The following INO80 variants were observed in gnomAD, a reference collection of about 807,000 sequenced individuals.
INO80 encodes chromatin-remodeling ATPase INO80.
INO80 carries 20 observed loss-of-function variants against 203.4 expected under a neutral mutation model. The observed-to-expected ratio is 0.10, with a 90% CI of 0.07 to 0.14. The LOEUF is 0.14. INO80 is among the 10% of genes least tolerant of loss of function. The pLI is 1.00. For synonymous variants in INO80, 726 were observed against 685.2 expected (o/e 1.06, Z -0.93); for missense variants, 1,419 against 1,914.4 (o/e 0.74, Z 4.83).
intron 23 of INO80, among the ~76,000 whole-genome samples, chr15:41,046,641 C>T (rs1190886861): frequency 6.6e-6 from 1 of 151,546 alleles, no homozygotes; most frequent in East Asian, 1.9e-4. Flanking sequence ...GTTTTGAGAC[C>T]GAGTCTCATT....
At chr15:40,984,912 T>C (rs903290469) in intron 32 of INO80, among the ~76,000 whole-genome samples, 2 of 152,196 alleles carry the variant, frequency 1.3e-5, no homozygotes, top group African/African-American at 4.8e-5. Flanking sequence ...TGAACAGACA[T>C]TTAGAAATAA....
chr15:41,052,674 C>CAAAAAA, intron 19 of INO80, among the ~76,000 whole-genome samples: 1 of 107,224 alleles, frequency 9.3e-6, no homozygotes, highest in Non-Finnish European at 2.0e-5. Context: ...CCTTGTCTTA[C>CAAAAAA]AAAAAAAAAA....
intron 9 of INO80, among the ~76,000 whole-genome samples, chr15:41,078,188 G>A (rs2045433661): frequency 3.3e-5 from 5 of 152,082 alleles, no homozygotes; most frequent in Admixed American, 2.0e-4. Context: ...GTGAGCCACC[G>A]CGCCCGGCCA....
intron 28 of INO80, among the ~76,000 whole-genome samples, chr15:41,003,359 C>G (rs2043992992): frequency 9.6e-6 from 1 of 104,034 alleles, no homozygotes. Context: ...GAGATGGAGT[C>G]TCGCTCTGTC....
At chr15:41,059,045 G>T (rs1441691487) in intron 15 of INO80, among the ~76,000 whole-genome samples, 1 of 152,018 alleles carries the variant, frequency 6.6e-6, no homozygotes, top group African/African-American at 2.4e-5. Flanking sequence ...ACAACCTCCT[G>T]GGCTCACGTG....
Position 40,980,439 on chromosome 15 carries a change from T to C in INO80, c.4455A>G (p.Gly1485=), listed in dbSNP as rs1415713677. Residue 1485 remains glycine, a splice_region_variant and synonymous_variant, in exon 36 of 36, where the codon GGA becomes GGG. Coordinates refer to ENST00000648947, the MANE Select transcript of INO80 (RefSeq NM_017553.3). The part of the protein sequence containing the change: ...YAAYGYNVSK[G]ISASSPLQTS... The stretch of plus-strand genomic sequence containing the variant: ...TCTGCAGAGGACTGCTGGCGGAGAT[T>C]CCTGTGGGGACGGAGAGAGACAAGA... 1.2e-6 allele frequency: 2 copies of C among 1,611,630 alleles called. No individual in the cohort carries two copies. The highest frequency in any genetic ancestry group is 2.7e-5 in the African/African-American group (2 of 74,850).
chr15:41,082,544 T>C (rs2045501249), intron 7 of INO80, among the ~76,000 whole-genome samples: 1 of 151,762 alleles, frequency 6.6e-6, no homozygotes, highest in Admixed American at 6.6e-5. Context: ...CTACTAAAAA[T>C]ACAAAAATTA....
intron 19 of INO80, among the ~76,000 whole-genome samples, chr15:41,051,648 T>C (rs1431108405): frequency 6.6e-6 from 1 of 151,686 alleles, no homozygotes; most frequent in African/African-American, 2.4e-5. Flanking sequence ...CCTGACTCTA[T>C]AAAAATTAAA....
At chr15:41,060,517 G>A (rs969806227) in intron 14 of INO80, among the ~76,000 whole-genome samples, 3 of 151,664 alleles carry the variant, frequency 2.0e-5, no homozygotes, top group Non-Finnish European at 2.9e-5. Context: ...TGGCGCCACT[G>A]CACTCCAGCC....
intron 26 of INO80, chr15:41,018,829 C>G (rs1187821738): frequency 1.3e-5 from 2 of 152,248 alleles, no homozygotes; most frequent in Non-Finnish European, 2.9e-5. Context: ...ACACACTTCT[C>G]TGGAAATCCA....
At chr15:41,046,206 C>CATATATATATATATAT (rs1160486459) in intron 23 of INO80, among the ~76,000 whole-genome samples, 2 of 14,426 alleles carry the variant, frequency 1.4e-4, no homozygotes, top group African/African-American at 2.3e-4. Context: ...CGTATACATA[C>CATATATATATATATAT]ATATATATAT....
chr15:41,031,669 T>C (rs1197500583), intron 24 of INO80, among the ~76,000 whole-genome samples: 1 of 123,534 alleles, frequency 8.1e-6, no homozygotes. Flanking sequence ...TGCCATACTA[T>C]GGGGAATTTG....
intron 31 of INO80, among the ~76,000 whole-genome samples, chr15:40,986,316 CTTTTTTTTTTTTTTTT>C (rs551165963): frequency 0.17 from 15,968 of 92,066 alleles, 2,906 homozygotes; most frequent in African/African-American, 0.47. Flanking sequence ...CTCCACAATG[CTTTTTTTTTTTTTTTT>C]TTTTTTTTTG....
Position 41,016,224 on chromosome 15 carries a change from A to AAGAAAAGG in INO80, c.3275-17_3275-10dup. The AAGAAAAGG allele has an allele frequency of 6.2e-7, 1 of 1,612,728 alleles. No homozygotes were observed. Among genetic ancestry groups the AAGAAAAGG allele is most frequent in the Non-Finnish European group, 8.5e-7 (1 of 1,179,422 alleles). On this transcript the variant is annotated splice_polypyrimidine_tract_variant and intron_variant, in intron 26 of 35. Coordinates refer to ENST00000648947, the MANE Select transcript of INO80 (RefSeq NM_017553.3). ...GATGAGGCTCTCCTTGCCTGGGGAG[A>AAGAAAAGG]AGAAAAGGGGGTGAGGGGGAACTGT... is the stretch of plus-strand genomic sequence containing the variant.
intron 17 of INO80, among the ~76,000 whole-genome samples, chr15:41,056,080 A>C (rs1313001179): frequency 6.6e-6 from 1 of 151,464 alleles, no homozygotes; most frequent in Non-Finnish European, 1.5e-5. Flanking sequence ...AGTAGCTAAG[A>C]CTACAGGCAT....
intron 4 of INO80, 52 bp from the exon 5 acceptor site, chr15:41,092,234 T>A: frequency 6.8e-7 from 1 of 1,461,610 alleles, no homozygotes; most frequent in Non-Finnish European, 9.3e-7. Context: ...CAATCCCATT[T>A]ATAATCCAAG....
intron 14 of INO80, among the ~76,000 whole-genome samples, chr15:41,062,579 G>C (rs2045131848): frequency 6.6e-6 from 1 of 152,198 alleles, no homozygotes; most frequent in South Asian, 2.1e-4. Flanking sequence ...TAGTGCTATG[G>C]TTTGAACATC....
intron 14 of INO80, among the ~76,000 whole-genome samples, chr15:41,063,503 G>T (rs2045151979): frequency 6.6e-6 from 1 of 152,068 alleles, no homozygotes; most frequent in Admixed American, 6.6e-5. Context: ...GTCGGGCACG[G>T]TGGCTCACAC....
chr15:41,052,018 A>G (rs1011798869), intron 19 of INO80, among the ~76,000 whole-genome samples: 5 of 152,280 alleles, frequency 3.3e-5, no homozygotes, highest in African/African-American at 4.8e-5. Context: ...GTGCACCTAT[A>G]GTACCATCTA....
Sources: allele counts gnomAD v4.1 joint callset (sites outside exome capture counted in the v4.1 genomes callset), GRCh38; gene constraint gnomAD v4.1.1; transcripts MANE v1.5; gene names NCBI Gene and HGNC (gene_info 2026-07-23, HGNC 2026-07-21).